PARD3B: variants seen among roughly 807,000 people sequenced by gnomAD.
PARD3B encodes the protein par-3 family cell polarity regulator beta.
In PARD3B, 103 loss-of-function variants were observed where a neutral mutation model predicts 130.2. That is an observed-to-expected ratio of 0.79 (90% CI 0.67 to 0.93). The LOEUF is 0.93. PARD3B is among the 40% of genes least tolerant of loss of function. PARD3B has a pLI of 0.00. For missense variants in PARD3B, 1,609 were observed against 1,499.2 expected (o/e 1.07, Z -1.21); for synonymous variants, 583 against 553.2 (o/e 1.05, Z -0.76).
At chr2:204,722,741 T>C (rs970402583) in intron 2 of PARD3B, among the ~76,000 whole-genome samples, 1 of 152,194 alleles carries the variant, frequency 6.6e-6, no homozygotes, top group African/African-American at 2.4e-5. Flanking sequence ...TCACAAGTTA[T>C]GAAGTTTACA....
intron 2 of PARD3B, among the ~76,000 whole-genome samples, chr2:204,696,047 C>T (rs145340940): frequency 1.3e-5 from 2 of 152,028 alleles, no homozygotes; most frequent in African/African-American, 2.4e-5. Flanking sequence ...ACCTTGATAA[C>T]GTCTGCATAG....
chr2:205,497,598 G>C (rs371217392), intron 20 of PARD3B, among the ~76,000 whole-genome samples: 2 of 151,784 alleles, frequency 1.3e-5, no homozygotes, highest in Non-Finnish European at 2.9e-5. Context: ...AGCTCTTCAC[G>C]CTGGGGCTCT....
At chr2:205,541,594 C>G (rs183082954) in intron 21 of PARD3B, among the ~76,000 whole-genome samples, 9 of 152,016 alleles carry the variant, frequency 5.9e-5, no homozygotes, top group Non-Finnish European at 1.0e-4. Flanking sequence ...AGTGATTGCC[C>G]GCCTCAGCCT....
At chr2:205,369,604 A>C (rs2044735270) in intron 18 of PARD3B, among the ~76,000 whole-genome samples, 1 of 152,238 alleles carries the variant, frequency 6.6e-6, no homozygotes, top group Non-Finnish European at 1.5e-5. Flanking sequence ...AATAGAGTTA[A>C]AGAAAAATTT....
At position 205,601,840 on chromosome 2, in the gene PARD3B, C is replaced by T. The variant is rs796158989; in HGVS notation, c.3261-13616C>T. ...TCTGCAAACAGAGACAGTCTGACTTCCTTTCTCCTATTTAAATACCCTTTA... is the reference window on the plus strand; with the variant it reads ...TCTGCAAACAGAGACAGTCTGACTTTCTTTCTCCTATTTAAATACCCTTTA... On this transcript the variant is annotated intron_variant, in intron 22 of 22. Coordinates refer to ENST00000406610, the MANE Select transcript of PARD3B (RefSeq NM_001302769.2). Among the ~76,000 whole-genome samples, 5 of 152,150 alleles carry T rather than the reference C, an allele frequency of 3.3e-5. No homozygotes were observed. The South Asian group carries it at 1.0e-3, about 32-fold the overall frequency.
intron 2 of PARD3B, among the ~76,000 whole-genome samples, chr2:204,827,675 C>T (rs1162693204): frequency 2.0e-5 from 3 of 152,088 alleles, no homozygotes; most frequent in African/African-American, 7.2e-5. Context: ...TGCTTTTGCT[C>T]GAAAATCTGT....
chr2:205,595,518 G>T lies in PARD3B; in HGVS notation c.3261-19938G>T, dbSNP rs149504166. Among the ~76,000 whole-genome samples, 13 of 152,246 alleles carry T rather than the reference G, an allele frequency of 8.5e-5. No homozygotes were observed. The East Asian group carries it at 2.3e-3, about 27-fold the overall frequency. On this transcript the variant is annotated intron_variant, in intron 22 of 22. Coordinates refer to ENST00000406610, the MANE Select transcript of PARD3B (RefSeq NM_001302769.2). ...AGCTTTTATTTAAATTATTAAAGCT[G>T]CAGCTTCGTGACTGATTTTAAGAAT... is the stretch of plus-strand genomic sequence containing the variant.
rs150713412 is a variant in PARD3B at position 205,123,279 on chromosome 2, A to T, written c.1166-1048A>T. Reference sequence around the variant, plus strand: ...AGGTTTTTCAGCCAGAGCAAGTTGCATAATGGAGATGTCATTGCTAGAAAT... The same window carrying T: ...AGGTTTTTCAGCCAGAGCAAGTTGCTTAATGGAGATGTCATTGCTAGAAAT... On this transcript the variant is annotated intron_variant, in intron 8 of 22. Coordinates refer to ENST00000406610, the MANE Select transcript of PARD3B (RefSeq NM_001302769.2). 3.1e-4 allele frequency among the ~76,000 whole-genome samples: 47 copies of T among 152,354 alleles called. No individual in the cohort carries two copies. The East Asian group carries it at 8.7e-3, about 28-fold the overall frequency.
chr2:204,692,373 C>A (rs1013529208), intron 2 of PARD3B, among the ~76,000 whole-genome samples: 1 of 151,948 alleles, frequency 6.6e-6, no homozygotes, highest in Non-Finnish European at 1.5e-5. Flanking sequence ...TCCCGCCTAC[C>A]TGTTTGCTGG....
chr2:205,399,030 A>G (rs914344655), intron 18 of PARD3B, among the ~76,000 whole-genome samples: 1 of 152,100 alleles, frequency 6.6e-6, no homozygotes, highest in African/African-American at 2.4e-5. Context: ...GCACTTTGGG[A>G]GGCTAAGGAG....
intron 16 of PARD3B, among the ~76,000 whole-genome samples, chr2:205,271,153 A>G (rs1174011171): frequency 1.3e-5 from 2 of 152,168 alleles, no homozygotes; most frequent in Non-Finnish European, 2.9e-5. Flanking sequence ...GAATTTCTAT[A>G]TATCCAAAAA....
At chr2:205,358,309 C>A (rs1368497576) in intron 18 of PARD3B, among the ~76,000 whole-genome samples, 1 of 152,198 alleles carries the variant, frequency 6.6e-6, no homozygotes, top group African/African-American at 2.4e-5. Context: ...GTTCTGCAGT[C>A]ACATCTGTGA....
At chr2:204,653,962 A>G (rs2035565835) in intron 1 of PARD3B, among the ~76,000 whole-genome samples, 1 of 151,142 alleles carries the variant, frequency 6.6e-6, no homozygotes, top group Non-Finnish European at 1.5e-5. Flanking sequence ...ATGAACATGC[A>G]TATACATAAA....
At chr2:204,966,360 T>C (rs983452702) in intron 3 of PARD3B, among the ~76,000 whole-genome samples, 32 of 152,166 alleles carry the variant, frequency 2.1e-4, no homozygotes, top group African/African-American at 7.5e-4. Flanking sequence ...GGAACCGAGC[T>C]AGTGAAGCAG....
At chr2:205,488,953 G>C (rs1259074733) in intron 20 of PARD3B, among the ~76,000 whole-genome samples, 1 of 152,114 alleles carries the variant, frequency 6.6e-6, no homozygotes, top group Non-Finnish European at 1.5e-5. Flanking sequence ...TTATAATATA[G>C]ACTATGGCTT....
At chr2:205,270,063 T>G (rs2040660115) in intron 16 of PARD3B, among the ~76,000 whole-genome samples, 1 of 152,210 alleles carries the variant, frequency 6.6e-6, no homozygotes, top group Non-Finnish European at 1.5e-5. Context: ...CGCCATCATG[T>G]GATTATTTCA....
chr2:205,125,467 T>C lies in PARD3B; in HGVS notation c.1306-142T>C. On this transcript the variant is annotated intron_variant, in intron 9 of 22. Transcript: ENST00000406610. The surrounding 1 kb of genome is among the most constrained non-coding windows in gnomAD (Gnocchi z 4.0). ...GCATTATGGGAAATATTGTTGGGTT[T>C]TGCCCATGTATTTAGTTATCATCTT... 1 of 860,988 alleles carries C rather than the reference T, an allele frequency of 1.2e-6. No homozygotes were observed. The highest frequency in any genetic ancestry group is 1.7e-6 in the Non-Finnish European group (1 of 572,212). 53.3% of individuals were successfully genotyped at this position (860,988 alleles called of 1,614,324 possible).
At chr2:204,938,485 TCTTGA>T (rs1688639290) in intron 2 of PARD3B, among the ~76,000 whole-genome samples, 1 of 152,196 alleles carries the variant, frequency 6.6e-6, no homozygotes, top group South Asian at 2.1e-4. Context: ...GAGAGGCCCT[TCTTGA>T]CTAATTTTCC....
chr2:204,870,831 A>G (rs1165276203), intron 2 of PARD3B, among the ~76,000 whole-genome samples: 1 of 152,168 alleles, frequency 6.6e-6, no homozygotes, highest in Non-Finnish European at 1.5e-5. Context: ...ATTTGCTTAA[A>G]TACCCATTTG....
Sources: allele counts gnomAD v4.1 joint callset (sites outside exome capture counted in the v4.1 genomes callset), GRCh38; gene constraint gnomAD v4.1.1; non-coding constraint Gnocchi (gnomAD v3.1); transcripts MANE v1.5; gene names NCBI Gene and HGNC (gene_info 2026-07-23, HGNC 2026-07-21).